DDX23: variants seen among roughly 807,000 people sequenced by gnomAD.
DDX23 encodes the protein DEAD-box helicase 23, also known as probable ATP-dependent RNA helicase DDX23.
Under a neutral mutation model 102.7 loss-of-function variants are expected in DDX23, and 33 were observed. The ratio of observed to expected loss-of-function variants is 0.32; its 90% confidence interval spans 0.24 to 0.43. The LOEUF (loss-of-function observed/expected upper bound fraction) is 0.43, where lower values mean the gene tolerates loss of function less well. Among genes scored for constraint, DDX23 ranks in the 20% least tolerant of loss-of-function variants. The pLI is 1.00. For synonymous variants in DDX23, 352 were observed against 376.0 expected, an observed-to-expected ratio of 0.94 and a Z score of 0.74; for missense variants, 549 against 1,086.6, an observed-to-expected ratio of 0.51 and a Z score of 6.96.
rs1938416491 is a variant in DDX23, at chr12:48,833,136, A to C, written c.1803+141T>G. 1.0e-5 allele frequency: 13 copies of C among 1,277,384 alleles called. 1 individual carries two copies. The South Asian group carries it at 1.8e-4, about 17-fold the overall frequency. 79.1% of individuals were successfully genotyped at this position (1,277,384 alleles called of 1,614,324 possible). ...GTGGCTGGCACCACAGGTGTGCACC[A>C]CCAATGCCCAGCTAATTTTTTAAAT... is the stretch of plus-strand genomic sequence containing the variant. On this transcript the variant is annotated intron_variant, in intron 13 of 16. Coordinates refer to ENST00000308025, the MANE Select transcript of DDX23 (RefSeq NM_004818.3).
intron 13 of DDX23, 151 bp downstream of exon 13, chr12:48,833,125 AG>A: frequency 8.7e-7 from 1 of 1,143,174 alleles, no homozygotes; most frequent in Non-Finnish European, 1.2e-6. Context: ...CTGGCACCAC[AG>A]GTGTGCACCA....
At chr12:48,831,352 G>A (rs1938383494) in intron 15 of DDX23, 36 bp from the exon 16 acceptor site, 2 of 1,607,538 alleles carry the variant, frequency 1.2e-6, no homozygotes, top group Middle Eastern at 1.7e-4. Flanking sequence ...AGTGAGCAAT[G>A]CAATCAAGGA....
chr12:48,830,805 C>T lies in DDX23; in HGVS notation c.2240-113G>A. ...CACCCCATCTCCAAAGGCAGGAATA[C>T]AGCACATGCTGCCTGAACCTGAGGC... On this transcript the variant is annotated intron_variant, in intron 16 of 16. Transcript: ENST00000308025. This position sits in a 1 kb window ranked among gnomAD's most constrained non-coding sequence, Gnocchi z 4.9. 1.7e-6 allele frequency: 2 copies of T among 1,150,318 alleles called. No individual in the cohort carries two copies. Among genetic ancestry groups the T allele is most frequent in the South Asian group, 3.1e-5 (2 of 64,268 alleles). 71.3% of individuals were successfully genotyped at this position (1,150,318 alleles called of 1,614,324 possible).
At chr12:48,840,845 G>A (rs776006961) in intron 3 of DDX23, among the ~76,000 whole-genome samples, 2 of 151,824 alleles carry the variant, frequency 1.3e-5, no homozygotes, top group Non-Finnish European at 2.9e-5. Flanking sequence ...GAGCCACAGC[G>A]CCTGGCCCTC....
rs780695909 is a variant in DDX23, at chr12:48,836,959, C to T, written c.945G>A (p.Glu315=). ...TTAGGTCTCCATAGAAACGTGACTGCTCTCGCTTCTGCTGCTTGAGGTCAA... is the reference window on the plus strand; with the variant it reads ...TTAGGTCTCCATAGAAACGTGACTGTTCTCGCTTCTGCTGCTTGAGGTCAA... The part of the protein sequence containing the change: ...AGIDLKQQKR[E]QSRFYGDLME... Residue 315 remains glutamate, a synonymous_variant, in exon 9 of 17, where the codon GAG becomes GAA. Coordinates refer to ENST00000308025, the MANE Select transcript of DDX23 (RefSeq NM_004818.3). The surrounding 1 kb of genome is among the most constrained non-coding windows in gnomAD (Gnocchi z 6.1). 4 of 1,614,042 alleles carry T rather than the reference C, an allele frequency of 2.5e-6. No homozygotes were observed. The highest frequency in any genetic ancestry group is 1.6e-4 in the Middle Eastern group (1 of 6,062).
intron 16 of DDX23, 53 bp downstream of exon 16, chr12:48,831,089 C>T (rs1938379491): frequency 1.2e-6 from 2 of 1,600,740 alleles, no homozygotes; most frequent in African/African-American, 1.3e-5. Context: ...CAGTGGGACA[C>T]CATAAGGAAT....
At chr12:48,845,214 G>A (rs1938644389) in intron 2 of DDX23, among the ~76,000 whole-genome samples, 2 of 151,514 alleles carry the variant, frequency 1.3e-5, no homozygotes, top group African/African-American at 4.8e-5. Context: ...AGCACTTGGG[G>A]AGGCTGAAGC....
At position 48,836,226 on chromosome 12, in the gene DDX23, A is replaced by T; in HGVS notation, c.1277T>A (p.Leu426Gln). 1 of 1,614,194 alleles carries T rather than the reference A, an allele frequency of 6.2e-7. No homozygotes were observed. The highest frequency in any genetic ancestry group is 8.5e-7 in the Non-Finnish European group (1 of 1,180,044). The change falls in exon 11 of 17, where the codon CTA becomes CAA. Residue 426 changes from leucine to glutamine, a missense_variant. By Grantham distance (113) the Leu-to-Gln change is moderately radical. Around this residue, in one of 4 missense-constraint regions of DDX23, gnomAD observed 270 missense variants for 707.0 expected, o/e 0.38. Coordinates refer to ENST00000308025, the MANE Select transcript of DDX23 (RefSeq NM_004818.3). This position sits in a 1 kb window ranked among gnomAD's most constrained non-coding sequence, Gnocchi z 6.1. ...PIQRQAIPIG[L>Q]QNRDIIGVAE... ...CACACCAATGATGTCACGATTCTGT[A>T]GCCCAATGGGAATTGCCTGACGCTG...
chr12:48,843,622 C>T (rs1464633628), intron 3 of DDX23, among the ~76,000 whole-genome samples: 2 of 147,430 alleles, frequency 1.4e-5, no homozygotes, highest in Non-Finnish European at 3.0e-5. Context: ...GATCTCGACT[C>T]ACTGCAGGCT....
rs1401368922 is a variant in DDX23 at position 48,839,754 on chromosome 12, G to C, written c.480+90C>G. ...AGACTTCCAGCCTCCAGAACTGTGA[G>C]AAAATTAACTTCTGTCGTTGAAGTC... On this transcript the variant is annotated intron_variant, in intron 5 of 16. Transcript: ENST00000308025. 22 of 1,361,132 alleles carry C rather than the reference G, an allele frequency of 1.6e-5. No homozygotes were observed. The East Asian group carries it at 4.5e-4, about 28-fold the overall frequency. 84.3% of individuals were successfully genotyped at this position (1,361,132 alleles called of 1,614,324 possible). A position where few individuals can be genotyped will look rare whatever the true frequency, so the allele number is the denominator to read the frequency against.
rs1270140262 is a variant in DDX23 at position 48,829,776 on chromosome 12, T to C, written c.*693A>G. On this transcript the variant is annotated 3_prime_UTR_variant, in exon 17 of 17. Transcript: ENST00000308025. ...AGATCTAACAGTCTTAATATTCATG[T>C]ATTTATTCTCAGAACATACAAACTT... is the stretch of plus-strand genomic sequence containing the variant. 4.9e-6 allele frequency: 1 copy of C among 204,834 alleles called. No homozygotes were observed. The highest frequency in any genetic ancestry group is 1.0e-5 in the Non-Finnish European group (1 of 99,986). The allele number at this position is 204,834 out of a possible 1,614,324, so 12.7% of individuals were successfully genotyped here.
intron 11 of DDX23, 84 bp from the exon 12 acceptor site, chr12:48,834,581 C>T (rs528624986): frequency 2.0e-5 from 27 of 1,338,104 alleles, no homozygotes; most frequent in South Asian, 1.1e-4. Context: ...GTCACTCTTA[C>T]GGGGAGCAAT....
rs1429132594 is a variant in DDX23, at chr12:48,845,586, T to G, written c.197A>C (p.Lys66Thr). 1.2e-6 allele frequency: 2 copies of G among 1,614,240 alleles called. No individual in the cohort carries two copies. Among genetic ancestry groups the G allele is most frequent in the Admixed American group, 1.7e-5 (1 of 60,028 alleles). The change falls in exon 2 of 17, where the codon AAA becomes ACA. Residue 66 changes from lysine (K) to threonine (T), a missense_variant. By Grantham distance (78) the Lys-to-Thr change is moderately conservative. Transcript: ENST00000308025. ...GSRSRSRSRSKSAERERRHKE... is the reference protein window; with the variant it reads ...GSRSRSRSRSTSAERERRHKE... The stretch of plus-strand genomic sequence containing the variant: ...AAAGTTACTTTACCTTTCTGCAGAT[T>G]TGGAACGGGAACGAGAGCGAGAACG...
chr12:48,832,327 G>A lies in DDX23; in HGVS notation c.1955+95C>T. ...AAGAAAACAGCAGCTCTTCAACACAGCAGAGCAATTGCCCTGCCCTGCACC... is the reference window on the plus strand; with the variant it reads ...AAGAAAACAGCAGCTCTTCAACACAACAGAGCAATTGCCCTGCCCTGCACC... On this transcript the variant is annotated intron_variant, in intron 14 of 16. Coordinates refer to ENST00000308025, the MANE Select transcript of DDX23 (RefSeq NM_004818.3). The surrounding 1 kb of genome is among the most constrained non-coding windows in gnomAD (Gnocchi z 4.4). 1 of 1,562,512 alleles carries A rather than the reference G, an allele frequency of 6.4e-7. No individual in the cohort carries two copies. The highest frequency in any genetic ancestry group is 1.2e-5 in the South Asian group (1 of 85,256).
intron 5 of DDX23, chr12:48,839,558 C>CA (rs35663911): frequency 0.016 from 1,153 of 73,020 alleles, 36 homozygotes; most frequent in African/African-American, 0.028. Context: ...GACTCTGTCT[C>CA]AAAAAAAAAA....
At position 48,841,619 on chromosome 12, in the gene DDX23, C is replaced by A. The variant is rs529420089; in HGVS notation, c.321-1513G>T. Reference sequence around the variant, plus strand: ...GCGATTGCAGGCGTGCGCCGCCACGCCTGACTGGTTTTCGTATTTTTTTGG... The same window carrying A: ...GCGATTGCAGGCGTGCGCCGCCACGACTGACTGGTTTTCGTATTTTTTTGG... On this transcript the variant is annotated intron_variant, in intron 3 of 16. Transcript: ENST00000308025. 3.1e-3 allele frequency among the ~76,000 whole-genome samples: 465 copies of A among 152,352 alleles called. 2 individuals carry two copies. The highest frequency in any genetic ancestry group is 5.0e-3 in the Non-Finnish European group (338 of 68,038).
chr12:48,839,836 G>C lies in DDX23; in HGVS notation c.480+8C>G. ...TGAGCCGATGAATGAAGACCCTCAA[G>C]TACTTACCTTAGCCTCAGCTTCTTC... On this transcript the variant is annotated splice_region_variant and intron_variant, in intron 5 of 16. Coordinates refer to ENST00000308025, the MANE Select transcript of DDX23 (RefSeq NM_004818.3). 6.2e-7 allele frequency: 1 copy of C among 1,614,078 alleles called. No homozygotes were observed. Among genetic ancestry groups the C allele is most frequent in the African/African-American group, 1.3e-5 (1 of 75,052 alleles).
chr12:48,837,814 A>G lies in DDX23; in HGVS notation c.619+128T>C, dbSNP rs1327898040. ...ATCTAACAGAAAAATGTTTTCTCATAAACTCCCACCATCCTTCCCCTTTCC... is the reference window on the plus strand; with the variant it reads ...ATCTAACAGAAAAATGTTTTCTCATGAACTCCCACCATCCTTCCCCTTTCC... On this transcript the variant is annotated intron_variant, in intron 6 of 16. Coordinates refer to ENST00000308025, the MANE Select transcript of DDX23 (RefSeq NM_004818.3). The G allele has an allele frequency of 9.8e-6, 15 of 1,534,668 alleles. No individual in the cohort carries two copies. In the East Asian group the frequency reaches 2.5e-4, roughly 25 times the overall value.
At chr12:48,835,162 A>T (rs1457637995) in intron 11 of DDX23, 1 of 257,212 alleles carries the variant, frequency 3.9e-6, no homozygotes, top group Non-Finnish European at 8.4e-6. Flanking sequence ...GGAGGATATG[A>T]GCCTGGGAGG....
Sources: gnomAD v4.1 joint callset for allele counts (sites outside exome capture counted in the v4.1 genomes callset) on GRCh38, gnomAD v4.1.1 for gene constraint, gnomAD v4.1.1 regional missense constraint, Gnocchi (gnomAD v3.1) non-coding constraint, MANE v1.5 for transcripts, NCBI Gene and HGNC (gene_info 2026-07-23, HGNC 2026-07-21) for gene names.